GATAD2B: variants seen among roughly 807,000 people sequenced by gnomAD.
The protein encoded by GATAD2B is transcriptional repressor p66-beta.
A neutral mutation model predicts 64.3 loss-of-function variants in GATAD2B; 8 were observed. The observed-to-expected ratio is 0.12, with a 90% confidence interval of 0.07 to 0.22. GATAD2B has a LOEUF of 0.22. Ranked by LOEUF, GATAD2B falls within the 10% of genes least tolerant of loss-of-function variation. The pLI is 1.00. For synonymous variants in GATAD2B, 281 were observed against 271.3 expected (o/e 1.04, Z -0.35); for missense variants, 453 against 752.0 (o/e 0.60, Z 4.65).
intron 1 of GATAD2B, among the ~76,000 whole-genome samples, chr1:153,840,556 C>T (rs1053344330): frequency 2.2e-5 from 3 of 139,500 alleles, no homozygotes; most frequent in Admixed American, 7.2e-5. Flanking sequence ...AAGCTGGTCT[C>T]GAACTCCCGA....
At chr1:153,820,723 G>A (rs1360747644) in intron 2 of GATAD2B, among the ~76,000 whole-genome samples, 1 of 151,506 alleles carries the variant, frequency 6.6e-6, no homozygotes, top group Non-Finnish European at 1.5e-5. Flanking sequence ...TTGACCTCCT[G>A]AGCTCAAGCG....
At chr1:153,898,099 T>C (rs1308800946) in intron 1 of GATAD2B, among the ~76,000 whole-genome samples, 1 of 145,212 alleles carries the variant, frequency 6.9e-6, no homozygotes, top group Non-Finnish European at 1.5e-5. Flanking sequence ...AGTCCAGGAG[T>C]CTGAGATCAG....
intron 1 of GATAD2B, among the ~76,000 whole-genome samples, chr1:153,865,462 A>G (rs140350807): frequency 6.6e-6 from 1 of 152,264 alleles, no homozygotes; most frequent in Non-Finnish European, 1.5e-5. Context: ...CTCCATCTCA[A>G]AAACAAATAA....
chr1:153,840,584 G>A (rs1490122918), intron 1 of GATAD2B, among the ~76,000 whole-genome samples: 5 of 152,198 alleles, frequency 3.3e-5, no homozygotes, highest in Middle Eastern at 3.4e-3. Context: ...TGATCCACCC[G>A]CCTCAGCCTC....
intron 1 of GATAD2B, among the ~76,000 whole-genome samples, chr1:153,846,586 G>T (rs369669161): frequency 1.1e-3 from 140 of 127,746 alleles, no homozygotes; most frequent in African/African-American, 3.7e-3. Context: ...TTTTGAGATG[G>T]AGTCTCACTC....
chr1:153,870,952 G>A (rs1166899444), intron 1 of GATAD2B, among the ~76,000 whole-genome samples: 5 of 152,122 alleles, frequency 3.3e-5, no homozygotes, highest in Admixed American at 1.3e-4. Context: ...TTGCTCTGTC[G>A]CCCAGGCTGG....
chr1:153,865,187 C>G (rs907657595), intron 1 of GATAD2B, among the ~76,000 whole-genome samples: 3 of 152,200 alleles, frequency 2.0e-5, no homozygotes, highest in African/African-American at 7.2e-5. Flanking sequence ...TGGCCAGGCA[C>G]AGTGGCTCAC....
chr1:153,828,615 G>A (rs1674970193), intron 1 of GATAD2B, among the ~76,000 whole-genome samples: 1 of 151,258 alleles, frequency 6.6e-6, no homozygotes, highest in African/African-American at 2.4e-5. Flanking sequence ...AGCAAGGCCT[G>A]TTGACACGTG....
At chr1:153,861,959 G>A (rs983814705) in intron 1 of GATAD2B, among the ~76,000 whole-genome samples, 4 of 149,686 alleles carry the variant, frequency 2.7e-5, no homozygotes, top group African/African-American at 9.8e-5. Flanking sequence ...AAACAATTCC[G>A]CATACTGCAA....
intron 1 of GATAD2B, among the ~76,000 whole-genome samples, chr1:153,862,343 G>A (rs934677879): frequency 3.3e-5 from 5 of 151,440 alleles, no homozygotes; most frequent in Non-Finnish European, 4.4e-5. Flanking sequence ...GACTGGTCTC[G>A]AACTTCTGAC....
intron 1 of GATAD2B, among the ~76,000 whole-genome samples, chr1:153,849,633 C>T (rs898061436): frequency 2.0e-5 from 3 of 151,886 alleles, no homozygotes; most frequent in African/African-American, 7.3e-5. Context: ...TAAATTTGAC[C>T]TTGTTTTTTC....
chr1:153,872,486 G>C (rs1676702949), intron 1 of GATAD2B, among the ~76,000 whole-genome samples: 1 of 151,052 alleles, frequency 6.6e-6, no homozygotes, highest in South Asian at 2.1e-4. Flanking sequence ...TAATATATTG[G>C]TCATGTGAAA....
chr1:153,876,203 G>A (rs975564195), intron 1 of GATAD2B, among the ~76,000 whole-genome samples: 28 of 107,762 alleles, frequency 2.6e-4, no homozygotes, highest in African/African-American at 9.7e-4. Context: ...ACTCCAGCCT[G>A]GGCAACACAG....
At chr1:153,857,810 G>A (rs183112084) in intron 1 of GATAD2B, among the ~76,000 whole-genome samples, 7 of 152,256 alleles carry the variant, frequency 4.6e-5, no homozygotes, top group African/African-American at 1.2e-4. Flanking sequence ...TTACCCCTAC[G>A]TAATGTTTTT....
chr1:153,821,194 G>A (rs948618915), intron 2 of GATAD2B, among the ~76,000 whole-genome samples: 4 of 151,776 alleles, frequency 2.6e-5, no homozygotes, highest in Admixed American at 6.6e-5. Flanking sequence ...ATGCTGCCCA[G>A]GCTAGTCTTG....
intron 1 of GATAD2B, among the ~76,000 whole-genome samples, chr1:153,848,566 A>T (rs1178818023): frequency 6.6e-6 from 1 of 152,138 alleles, no homozygotes; most frequent in Non-Finnish European, 1.5e-5. Flanking sequence ...TTTAAATAGC[A>T]TTTATATACT....
At chr1:153,885,512 A>G (rs927535014) in intron 1 of GATAD2B, among the ~76,000 whole-genome samples, 5 of 152,014 alleles carry the variant, frequency 3.3e-5, no homozygotes, top group Admixed American at 3.3e-4. Context: ...ATCTGAGGTT[A>G]GGAGTTCGAG....
intron 1 of GATAD2B, among the ~76,000 whole-genome samples, chr1:153,918,568 T>C (rs999382973): frequency 6.6e-6 from 1 of 152,096 alleles, no homozygotes; most frequent in Non-Finnish European, 1.5e-5. Context: ...CACCCTCCCT[T>C]GAAATGAGAC....
chr1:153,861,528 C>A (rs1167188106), intron 1 of GATAD2B, among the ~76,000 whole-genome samples: 1 of 151,298 alleles, frequency 6.6e-6, no homozygotes, highest in Non-Finnish European at 1.5e-5. Flanking sequence ...TGGCTCATGC[C>A]TGTAATCTCA....
Sources: allele counts gnomAD v4.1 joint callset (sites outside exome capture counted in the v4.1 genomes callset), GRCh38; gene constraint gnomAD v4.1.1; transcripts MANE v1.5; gene names NCBI Gene and HGNC (gene_info 2026-07-23, HGNC 2026-07-21).